Variants in ENAH observed in about 807,000 individuals in gnomAD.
ENAH encodes the protein ENAH actin regulator.
Under a neutral mutation model 78.7 loss-of-function variants are expected in ENAH, and 23 were observed. The observed-to-expected ratio is 0.29, with a 90% CI of 0.21 to 0.41. ENAH has a LOEUF of 0.41. ENAH is among the 10% of genes least tolerant of loss of function. ENAH has a pLI of 1.00. For missense variants in ENAH, 544 were observed against 691.0 expected, an observed-to-expected ratio of 0.79 and a Z score of 2.39; for synonymous variants, 226 against 241.0, an observed-to-expected ratio of 0.94 and a Z score of 0.58.
At chr1:225,588,197 AG>A (rs1397409099) in intron 1 of ENAH, among the ~76,000 whole-genome samples, 10 of 152,246 alleles carry the variant, frequency 6.6e-5, no homozygotes, top group African/African-American at 2.4e-4. Context: ...GAGAGGGAGG[AG>A]GGGAAAAGGG....
intron 1 of ENAH, among the ~76,000 whole-genome samples, chr1:225,572,349 T>G (rs2096767276): frequency 6.6e-6 from 1 of 152,080 alleles, no homozygotes; most frequent in Non-Finnish European, 1.5e-5. Flanking sequence ...TGGCTGCCAA[T>G]ATTTTGCCCT....
At chr1:225,562,571 CAAAAAAAAAAAAAA>C (rs869309795) in intron 2 of ENAH, among the ~76,000 whole-genome samples, 15 of 38,076 alleles carry the variant, frequency 3.9e-4, no homozygotes, top group South Asian at 1.6e-3. Context: ...GACTGCGTCT[CAAAAAAAAAAAAAA>C]AAAAAAAAAA....
At chr1:225,518,102 T>A (rs1483399128) in intron 5 of ENAH, 1 of 861,786 alleles carries the variant, frequency 1.2e-6, no homozygotes, top group East Asian at 2.7e-5. Context: ...AAATGTAGAC[T>A]ACAGTTAGTA....
chr1:225,565,421 G>A (rs2096729711), intron 2 of ENAH, among the ~76,000 whole-genome samples: 1 of 144,092 alleles, frequency 6.9e-6, no homozygotes, highest in South Asian at 2.2e-4. Context: ...GGCGACAAGA[G>A]CAAAACTCTG....
chr1:225,623,811 G>A (rs1477530783), intron 1 of ENAH, among the ~76,000 whole-genome samples: 2 of 151,958 alleles, frequency 1.3e-5, no homozygotes, highest in African/African-American at 4.8e-5. Context: ...GGATGGTCTC[G>A]CTCTCCTGAC....
intron 1 of ENAH, among the ~76,000 whole-genome samples, chr1:225,582,113 G>GT (rs1291863587): frequency 6.6e-6 from 1 of 151,978 alleles, no homozygotes; most frequent in Non-Finnish European, 1.5e-5. Flanking sequence ...CATCCCCTTG[G>GT]TGCTATTCCT....
chr1:225,554,601 G>C (rs181264426), intron 3 of ENAH, among the ~76,000 whole-genome samples: 13 of 152,196 alleles, frequency 8.5e-5, no homozygotes, highest in African/African-American at 3.1e-4. Context: ...TACTTGCAAC[G>C]GAAGTGTTTC....
At chr1:225,503,457 G>A (rs1411955511) in intron 11 of ENAH, among the ~76,000 whole-genome samples, 2 of 151,850 alleles carry the variant, frequency 1.3e-5, no homozygotes, top group African/African-American at 2.4e-5. Flanking sequence ...TGTATGTTTT[G>A]TAGAGACAGG....
intron 3 of ENAH, among the ~76,000 whole-genome samples, chr1:225,553,075 A>C (rs1012883123): frequency 1.3e-5 from 2 of 152,130 alleles, no homozygotes; most frequent in African/African-American, 4.8e-5. Flanking sequence ...CTCTATTAAA[A>C]ATACAAAAAT....
intron 1 of ENAH, among the ~76,000 whole-genome samples, chr1:225,591,394 G>A (rs55899644): frequency 0.033 from 5,001 of 151,952 alleles, 107 homozygotes; most frequent in East Asian, 0.079. Flanking sequence ...CTTGAACCCC[G>A]GAGGTGGAGG....
chr1:225,567,524 G>T, intron 1 of ENAH, 110 bp from the exon 2 acceptor site: 2 of 1,091,190 alleles, frequency 1.8e-6, no homozygotes, highest in South Asian at 1.8e-5. Context: ...CTGTTATTGG[G>T]TGCTGGAAAC....
At chr1:225,568,229 C>T (rs1355889883) in intron 1 of ENAH, among the ~76,000 whole-genome samples, 1 of 152,070 alleles carries the variant, frequency 6.6e-6, no homozygotes, top group East Asian at 1.9e-4. Flanking sequence ...CTGAGATACA[C>T]AAATAAATAA....
intron 1 of ENAH, among the ~76,000 whole-genome samples, chr1:225,613,215 C>T (rs2097001692): frequency 6.6e-6 from 1 of 152,158 alleles, no homozygotes; most frequent in Admixed American, 6.5e-5. Flanking sequence ...GCAACTCAAA[C>T]GTCCCTCCCT....
At chr1:225,532,621 TTTTA>T (rs1342953317) in intron 3 of ENAH, among the ~76,000 whole-genome samples, 2 of 152,126 alleles carry the variant, frequency 1.3e-5, no homozygotes, top group African/African-American at 2.4e-5. Context: ...ATCCTATTTA[TTTTA>T]TTTAACAGGT....
At chr1:225,573,503 G>A (rs1037073594) in intron 1 of ENAH, among the ~76,000 whole-genome samples, 2 of 152,116 alleles carry the variant, frequency 1.3e-5, no homozygotes, top group African/African-American at 2.4e-5. Flanking sequence ...AGTGTATACT[G>A]GGAAGCCACT....
chr1:225,527,884 A>G (rs1175545858), intron 4 of ENAH, among the ~76,000 whole-genome samples: 1 of 152,078 alleles, frequency 6.6e-6, no homozygotes, highest in African/African-American at 2.4e-5. Context: ...AACACAGAAA[A>G]TCCTAGGCAG....
rs564886019 is a variant in ENAH at position 225,495,583 on chromosome 1, T to G, written c.*2192A>C. 1.3e-5 allele frequency: 2 copies of G among 152,426 alleles called. No homozygotes were observed. Among genetic ancestry groups the G allele is most frequent in the Non-Finnish European group, 2.9e-5 (2 of 67,972 alleles). The allele number at this position is 152,426 out of a possible 1,614,324, so 9.4% of individuals were successfully genotyped here. A position where few individuals can be genotyped will look rare whatever the true frequency, so the allele number is the denominator to read the frequency against. The stretch of plus-strand genomic sequence containing the variant: ...TAGCATTTTATTTTAGTCTCTTATC[T>G]TAGTTTGGACCACTTGTACCCAGTA... On this transcript the variant is annotated 3_prime_UTR_variant, in exon 14 of 14. Coordinates refer to ENST00000366843, the MANE Select transcript of ENAH (RefSeq NM_018212.6).
chr1:225,586,324 G>A (rs558744044), intron 1 of ENAH, among the ~76,000 whole-genome samples: 1 of 150,376 alleles, frequency 6.6e-6, no homozygotes, highest in South Asian at 2.1e-4. Context: ...AAAGGGAAAA[G>A]TAGAGGGAAA....
At chr1:225,517,175 T>A (rs1247691557) in intron 6 of ENAH, 21 bp downstream of exon 6, 1 of 1,483,780 alleles carries the variant, frequency 6.7e-7, no homozygotes, top group Non-Finnish European at 9.0e-7. Context: ...TAGCTGTTAG[T>A]AGCAATAATG....
Sources: allele counts gnomAD v4.1 joint callset (sites outside exome capture counted in the v4.1 genomes callset), GRCh38; gene constraint gnomAD v4.1.1; transcripts MANE v1.5; gene names NCBI Gene and HGNC (gene_info 2026-07-23, HGNC 2026-07-21).